Variants in NGEF observed in about 807,000 individuals in gnomAD.
The protein encoded by NGEF is ephexin-1.
A neutral mutation model predicts 80.9 loss-of-function variants in NGEF; 31 were observed. The observed-to-expected ratio is 0.38, with a 90% CI of 0.29 to 0.52. NGEF has a LOEUF of 0.52. Ranked by LOEUF, NGEF falls within the 20% of genes least tolerant of loss-of-function variation. The pLI is 0.84. For missense variants in NGEF, 709 were observed against 926.2 expected, an observed-to-expected ratio of 0.77 and a Z score of 3.04; for synonymous variants, 371 against 370.2, an observed-to-expected ratio of 1.00 and a Z score of -0.03.
chr2:232,996,812 T>A (rs1247871382), intron 1 of NGEF, among the ~76,000 whole-genome samples: 2 of 147,802 alleles, frequency 1.4e-5, no homozygotes, highest in East Asian at 3.9e-4. Flanking sequence ...CCCTTTCTTA[T>A]GGTTAAAAGA....
At chr2:232,942,729 G>T (rs767184237) in intron 3 of NGEF, among the ~76,000 whole-genome samples, 6 of 151,132 alleles carry the variant, frequency 4.0e-5, no homozygotes, top group African/African-American at 9.7e-5. Context: ...ACAAAAATTA[G>T]CGCGTGGAGG....
intron 6 of NGEF, 139 bp from the exon 7 acceptor site, chr2:232,893,189 A>G (rs1691938886): frequency 3.8e-6 from 3 of 780,582 alleles, no homozygotes; most frequent in Non-Finnish European, 6.0e-6. Context: ...GACAAGATCC[A>G]TCGGCAGGGG....
chr2:232,927,767 C>G (rs1195956398), intron 3 of NGEF: 2 of 498,102 alleles, frequency 4.0e-6, no homozygotes, highest in African/African-American at 4.1e-5. Context: ...GGAGTAGGGG[C>G]GGCGGGGGCC....
chr2:232,883,844 G>A (rs1691591034), intron 11 of NGEF, 137 bp downstream of exon 11: 2 of 906,320 alleles, frequency 2.2e-6, no homozygotes, highest in African/African-American at 1.7e-5. Context: ...CTGGGCCACA[G>A]CAGAACAGAC....
intron 13 of NGEF, 21 bp from the exon 14 acceptor site, chr2:232,881,271 G>A: frequency 6.3e-7 from 1 of 1,587,242 alleles, no homozygotes; most frequent in Non-Finnish European, 8.6e-7. Context: ...AGAGGCACGG[G>A]CACATCCCCA....
At chr2:232,952,315 C>T (rs574219815) in intron 3 of NGEF, among the ~76,000 whole-genome samples, 6 of 152,356 alleles carry the variant, frequency 3.9e-5, no homozygotes, top group African/African-American at 9.6e-5. Flanking sequence ...AGAGCACCTA[C>T]GTGGCAAGAA....
chr2:232,919,848 C>T (rs896125902), intron 5 of NGEF, among the ~76,000 whole-genome samples: 5 of 152,154 alleles, frequency 3.3e-5, no homozygotes, highest in Non-Finnish European at 5.9e-5. Flanking sequence ...GAAGTTCAGA[C>T]AGCCCCAAAA....
chr2:232,936,787 G>A (rs1693333381), intron 3 of NGEF, among the ~76,000 whole-genome samples: 1 of 152,110 alleles, frequency 6.6e-6, no homozygotes, highest in Admixed American at 6.5e-5. Flanking sequence ...TCCTTTCACC[G>A]TAATAAACTG....
intron 1 of NGEF, among the ~76,000 whole-genome samples, chr2:233,002,018 A>ATAC (rs1424907979): frequency 6.6e-6 from 1 of 152,016 alleles, no homozygotes; most frequent in Non-Finnish European, 1.5e-5. Context: ...AATAATAATA[A>ATAC]TAAAATAAAA....
At chr2:233,009,422 G>C (rs760623247) in intron 1 of NGEF, among the ~76,000 whole-genome samples, 1 of 152,046 alleles carries the variant, frequency 6.6e-6, no homozygotes, top group Non-Finnish European at 1.5e-5. Context: ...CTGAATTTGC[G>C]ATCCTCCCAC....
intron 1 of NGEF, among the ~76,000 whole-genome samples, 177 bp from the exon 2 acceptor site, chr2:232,975,141 C>T (rs1694266099): frequency 6.6e-6 from 1 of 152,172 alleles, no homozygotes; most frequent in Non-Finnish European, 1.5e-5. Context: ...GAGGCATTCA[C>T]GTATCATTTT....
At chr2:232,993,620 C>T (rs1574658022) in intron 1 of NGEF, among the ~76,000 whole-genome samples, 1 of 152,102 alleles carries the variant, frequency 6.6e-6, no homozygotes, top group Non-Finnish European at 1.5e-5. Flanking sequence ...GATGTACACA[C>T]GTGTTTATAG....
chr2:232,928,682 G>C (rs1360924855), intron 3 of NGEF, among the ~76,000 whole-genome samples: 1 of 152,208 alleles, frequency 6.6e-6, no homozygotes, highest in Non-Finnish European at 1.5e-5. Context: ...GTGGGGAGGG[G>C]GCCGGCGCGG....
chr2:232,892,076 G>A lies in NGEF; in HGVS notation c.1143-589C>T, dbSNP rs1240177170. ...CGGCCTGGCGGGGGCCACAGCGGCA[G>A]GCTCTTGGGTGCTGTGAATGATTCC... On this transcript the variant is annotated intron_variant, in intron 7 of 14. Transcript: ENST00000264051. This position sits in a 1 kb window ranked among gnomAD's most constrained non-coding sequence, Gnocchi z 4.0. Among the ~76,000 whole-genome samples the A allele has an allele frequency of 3.9e-5, 6 of 152,048 alleles. No individual in the cohort carries two copies.
chr2:232,925,379 A>G (rs955176013), intron 4 of NGEF, among the ~76,000 whole-genome samples: 2 of 152,216 alleles, frequency 1.3e-5, no homozygotes, highest in African/African-American at 4.8e-5. Flanking sequence ...TTGAGCTACT[A>G]TGGGTCAGGC....
chr2:232,892,780 T>G lies in NGEF; in HGVS notation c.1142+118A>C. The G allele has an allele frequency of 8.6e-7, 1 of 1,157,292 alleles. No individual in the cohort carries two copies. Among genetic ancestry groups the G allele is most frequent in the Non-Finnish European group, 1.2e-6 (1 of 809,582 alleles). 71.7% of individuals were successfully genotyped at this position (1,157,292 alleles called of 1,614,324 possible). A position where few individuals can be genotyped will look rare whatever the true frequency, so the allele number is the denominator to read the frequency against. On this transcript the variant is annotated intron_variant, in intron 7 of 14. Transcript: ENST00000264051. This position sits in a 1 kb window ranked among gnomAD's most constrained non-coding sequence, Gnocchi z 4.0. ...CAACTCCGGTGGCTCATGTGGACCT[T>G]GGGAACGCAGAGGTAAAGGACCATG... is the stretch of plus-strand genomic sequence containing the variant.
intron 5 of NGEF, among the ~76,000 whole-genome samples, chr2:232,896,550 AGGGTGGGGTAG>A (rs1692070240): frequency 4.8e-5 from 1 of 20,742 alleles, no homozygotes; most frequent in Non-Finnish European, 9.5e-5. Flanking sequence ...GGTAGGGGTG[AGGGTGGGGTAG>A]GGGTGAGGGT....
intron 14 of NGEF, among the ~76,000 whole-genome samples, chr2:232,880,884 G>A (rs1001704489): frequency 2.0e-5 from 3 of 151,912 alleles, no homozygotes; most frequent in African/African-American, 7.3e-5. Context: ...CGCTTGGGCT[G>A]GGCCCACTGC....
Position 232,892,241 on chromosome 2 carries a change from C to G in NGEF, c.1142+657G>C. Among the ~76,000 whole-genome samples the G allele has an allele frequency of 6.6e-6, 1 of 152,146 alleles. No homozygotes were observed. The highest frequency in any genetic ancestry group is 3.2e-3 in the Middle Eastern group (1 of 316). ...AGGCTTGAAACGTGCACCATGAACT[C>G]CATGTCTTGGTGGAAAAGCCAGTGA... is the stretch of plus-strand genomic sequence containing the variant. On this transcript the variant is annotated intron_variant, in intron 7 of 14. Transcript: ENST00000264051. The surrounding 1 kb of genome is among the most constrained non-coding windows in gnomAD (Gnocchi z 4.0).
Sources: allele counts gnomAD v4.1 joint callset (sites outside exome capture counted in the v4.1 genomes callset), GRCh38; gene constraint gnomAD v4.1.1; non-coding constraint Gnocchi (gnomAD v3.1); transcripts MANE v1.5; gene names NCBI Gene and HGNC (gene_info 2026-07-23, HGNC 2026-07-21).